S100A5: variants seen among roughly 807,000 people sequenced by gnomAD.
S100A5 encodes S100 calcium binding protein A5.
In S100A5, 5 loss-of-function variants were observed where a neutral mutation model predicts 6.7. The ratio of observed to expected loss-of-function variants is 0.75; its 90% CI spans 0.39 to 1.57. The LOEUF (loss-of-function observed/expected upper bound fraction) is 1.57, where lower values mean the gene tolerates loss of function less well. S100A5 is among the 40% of genes most tolerant of loss of function. S100A5 has a pLI of 0.03. For synonymous variants in S100A5, 49 were observed against 44.9 expected, an observed-to-expected ratio of 1.09 and a Z score of -0.37; for missense variants, 129 against 110.8, an observed-to-expected ratio of 1.16 and a Z score of -0.74.
chr1:153,540,314 A>G (rs547806315), intron 1 of S100A5, 109 bp from the exon 2 acceptor site: 1 of 1,156,438 alleles, frequency 8.6e-7, no homozygotes, highest in Non-Finnish European at 1.2e-6. Context: ...ACCCAGGATG[A>G]GACTGAAATC....
At chr1:153,542,181 T>C (rs1438234711), upstream of S100A5, among the ~76,000 whole-genome samples, 1 of 152,024 alleles carries the variant, frequency 6.6e-6, no homozygotes, top group Non-Finnish European at 1.5e-5. Flanking sequence ...CAGGAGACAC[T>C]CAGACATCGT....
upstream of S100A5, among the ~76,000 whole-genome samples, chr1:153,542,890 C>G (rs1428657842): frequency 1.3e-5 from 2 of 152,172 alleles, no homozygotes; most frequent in Non-Finnish European, 2.9e-5. Flanking sequence ...CACTGACCCC[C>G]ACTCATCTCT....
At chr1:153,539,799 G>A (rs747374304) in intron 2 of S100A5, among the ~76,000 whole-genome samples, 3 of 151,936 alleles carry the variant, frequency 2.0e-5, no homozygotes. Flanking sequence ...CCCCACCATC[G>A]AAGGCTCCTC....
upstream of S100A5, chr1:153,541,715 C>T (rs189044509): frequency 1.1e-3 from 1,221 of 1,142,030 alleles, no homozygotes; most frequent in Admixed American, 1.6e-3. Flanking sequence ...AACAATAAGC[C>T]GAAGAAGGGA....
chr1:153,537,435 A>AT lies in S100A5; in HGVS notation c.139dup (p.Met47AsnfsTer8). ...CAAGTCATCGATGCTGCTCTCCTTC[A>AT]TCTTTTGTGGACCCAGGTGGAGAGA... On this transcript the variant is annotated frameshift_variant and splice_region_variant, in exon 3 of 3. Transcript: ENST00000368717. LOFTEE classifies it high-confidence loss of function. 6.2e-7 allele frequency: 1 copy of AT among 1,613,932 alleles called. No individual in the cohort carries two copies. The highest frequency in any genetic ancestry group is 8.5e-7 in the Non-Finnish European group (1 of 1,179,944).
chr1:153,537,521 G>A (rs182710947), intron 2 of S100A5, 85 bp from the exon 3 acceptor site: 52 of 1,534,582 alleles, frequency 3.4e-5, no homozygotes, highest in East Asian at 3.2e-4. Context: ...TCCCCACCCC[G>A]AAACTTCAGG....
chr1:153,541,507 G>A (rs1457661683), upstream of S100A5: 3 of 1,355,440 alleles, frequency 2.2e-6, no homozygotes, highest in African/African-American at 3.0e-5. Context: ...CCCATGAGAA[G>A]TTGTTGGGGA....
upstream of S100A5, chr1:153,541,545 C>T (rs895619172): frequency 1.6e-5 from 21 of 1,298,116 alleles, no homozygotes; most frequent in South Asian, 2.5e-5. Flanking sequence ...CAGAGCCTCC[C>T]GGGATGGAGC....
At chr1:153,542,171 C>T (rs1665409880), upstream of S100A5, among the ~76,000 whole-genome samples, 1 of 152,080 alleles carries the variant, frequency 6.6e-6, no homozygotes, top group Admixed American at 6.5e-5. Flanking sequence ...TCCTGTATCC[C>T]AGGAGACACT....
Position 153,540,161 on chromosome 1 carries a change from T to A in S100A5, c.31A>T (p.Thr11Ser). METPLEKALT[T>S]MVTTFHKYSG... is the part of the protein sequence containing the mutation. ...TATTTGTGAAACGTGGTCACCATAG[T>A]GGTCAGGGCCTTCTCCAGAGGAGTC... is the stretch of plus-strand genomic sequence containing the variant. The change falls in exon 2 of 3, where the codon ACT becomes TCT. Residue 11 changes from threonine (T) to serine (S), a missense_variant. Physicochemically the swap from Thr to Ser is moderately conservative, Grantham distance 58. Transcript: ENST00000368717. The A allele has an allele frequency of 6.2e-7, 1 of 1,614,146 alleles. No homozygotes were observed. The highest frequency in any genetic ancestry group is 1.3e-5 in the African/African-American group (1 of 75,028).
intron 2 of S100A5, among the ~76,000 whole-genome samples, 169 bp downstream of exon 2, chr1:153,539,885 A>C (rs1665328938): frequency 2.6e-5 from 4 of 151,988 alleles, no homozygotes; most frequent in Admixed American, 2.6e-4. Flanking sequence ...TCCTTCACAG[A>C]GGGCTAGAGT....
At chr1:153,539,424 C>CAAAAAAAAAA (rs149327889) in intron 2 of S100A5, among the ~76,000 whole-genome samples, 1 of 35,130 alleles carries the variant, frequency 2.8e-5, no homozygotes, top group African/African-American at 1.3e-4. Context: ...GAGACTCTCT[C>CAAAAAAAAAA]AAAAAAAAAA....
At chr1:153,541,976 TA>T, upstream of S100A5, 1 of 789,626 alleles carries the variant, frequency 1.3e-6, no homozygotes, top group Non-Finnish European at 1.5e-6. Flanking sequence ...CGATTTCTTC[TA>T]GGCCTCACTG....
chr1:153,539,617 C>T (rs1313456436), intron 2 of S100A5, among the ~76,000 whole-genome samples: 1 of 151,588 alleles, frequency 6.6e-6, no homozygotes, highest in Non-Finnish European at 1.5e-5. Context: ...ACAAGTTAAC[C>T]TTTCAGTTTG....
At chr1:153,539,193 C>T (rs763091251) in intron 2 of S100A5, among the ~76,000 whole-genome samples, 1 of 151,246 alleles carries the variant, frequency 6.6e-6, no homozygotes, top group Non-Finnish European at 1.5e-5. Flanking sequence ...TTTGGGAGTC[C>T]GAGGCAGATG....
At chr1:153,542,030 A>G (rs1374731470), upstream of S100A5, 1 of 391,202 alleles carries the variant, frequency 2.6e-6, no homozygotes, top group African/African-American at 2.2e-5. Flanking sequence ...GGCATGGAGG[A>G]CTGAGAATCA....
At chr1:153,541,302 G>C, upstream of S100A5, 1 of 1,170,424 alleles carries the variant, frequency 8.5e-7, no homozygotes, top group Non-Finnish European at 1.2e-6. Context: ...CCTTGGTGGA[G>C]GTCACCACCA....
chr1:153,540,243 G>A (rs779353141), intron 1 of S100A5, 38 bp from the exon 2 acceptor site: 31 of 1,609,636 alleles, frequency 1.9e-5, no homozygotes, highest in Non-Finnish European at 2.5e-5. Context: ...TCCTCAGGAA[G>A]TCACCACCAG....
Position 153,540,110 on chromosome 1 carries a change from T to G in S100A5, c.82A>C (p.Thr28Pro). The G allele has an allele frequency of 6.2e-7, 1 of 1,614,030 alleles. No individual in the cohort carries two copies. Among genetic ancestry groups the G allele is most frequent in the East Asian group, 2.2e-5 (1 of 44,870 alleles). ...TCCTTGAGTTCCTTCCTACTCAGGG[T>G]CAGTTTGCTACCCTCTCTCCCCGAA... is the stretch of plus-strand genomic sequence containing the variant. ...KYSGREGSKLTLSRKELKELI... is the reference protein window; with the variant it reads ...KYSGREGSKLPLSRKELKELI... The change falls in exon 2 of 3, where the codon ACC becomes CCC. Residue 28 changes from threonine (T) to proline (P), a missense_variant. Thr to Pro is a conservative substitution (Grantham distance 38). Coordinates refer to ENST00000368717, the MANE Select transcript of S100A5 (RefSeq NM_001394232.1).
Sources: allele counts gnomAD v4.1 joint callset (sites outside exome capture counted in the v4.1 genomes callset), GRCh38; gene constraint gnomAD v4.1.1; transcripts MANE v1.5; gene names NCBI Gene and HGNC (gene_info 2026-07-23, HGNC 2026-07-21).